MACROH2A1: variants seen among roughly 807,000 people sequenced by gnomAD.
MACROH2A1 encodes the protein macroH2A.1 histone.
A neutral mutation model predicts 31.6 loss-of-function variants in MACROH2A1; 2 were observed. That is an observed-to-expected ratio of 0.06 (90% confidence interval 0.03 to 0.20). MACROH2A1 has a LOEUF of 0.20. Among genes scored for constraint, MACROH2A1 ranks in the 10% least tolerant of loss-of-function variants. The pLI is 1.00. For synonymous variants in MACROH2A1, 169 were observed against 189.6 expected (o/e 0.89, Z 0.89); for missense variants, 230 against 474.0 (o/e 0.49, Z 4.78).
In MACROH2A1 at chr5:135,360,522, G is replaced by A. The variant is rs770568510; in HGVS notation, c.563C>T (p.Thr188Ile). The change falls in exon 5 of 9, where the codon ACC (threonine) becomes ATC (isoleucine). Residue 188 changes from threonine to isoleucine, a missense_variant. Around this residue, in one of 2 missense-constraint regions of MACROH2A1, gnomAD observed 183 missense variants for 319.3 expected, o/e 0.57. Transcript: ENST00000511689. ...CTTCTGGCCAAGGAAGAGGCTCTTG[G>A]TGGAGAGGACTGTGAAGCCGTCGGC... Reference protein sequence around the residue: ...TPADGFTVLSTKSLFLGQKLN... With the variant: ...TPADGFTVLSIKSLFLGQKLN... The A allele has an allele frequency of 6.2e-7, 1 of 1,613,080 alleles. No homozygotes were observed. Among genetic ancestry groups the A allele is most frequent in the East Asian group, 2.2e-5 (1 of 44,878 alleles).
chr5:135,336,426 A>T (rs1758671290), intron 8 of MACROH2A1, among the ~76,000 whole-genome samples: 1 of 152,218 alleles, frequency 6.6e-6, no homozygotes, highest in Non-Finnish European at 1.5e-5. Context: ...TTAGAGGACA[A>T]GAGATGTGCC....
intron 2 of MACROH2A1, among the ~76,000 whole-genome samples, chr5:135,371,053 G>A (rs1764114586): frequency 6.6e-6 from 1 of 152,160 alleles, no homozygotes. Flanking sequence ...TTAAATCTAG[G>A]TATATGATTA....
chr5:135,399,581 G>A (rs1768567474), upstream of MACROH2A1: 1 of 152,148 alleles, frequency 6.6e-6, no homozygotes, highest in Non-Finnish European at 1.5e-5. This position sits in a 1 kb window ranked among gnomAD's most constrained non-coding sequence, Gnocchi z 4.5. Context: ...GGCATCTTTA[G>A]GAACCTTCCC....
chr5:135,397,830 G>A (rs1248896808), intron 1 of MACROH2A1, among the ~76,000 whole-genome samples: 1 of 152,068 alleles, frequency 6.6e-6, no homozygotes, highest in Non-Finnish European at 1.5e-5. Flanking sequence ...TTTACAACTC[G>A]AGTCTCCCAT....
At position 135,347,944 on chromosome 5, in the gene MACROH2A1, C is replaced by A. The variant is rs192819296; in HGVS notation, c.689-1887G>T. ...AGGTAAAATAATGTTTTTACTTTAT[C>A]ATGATTACCAACTCCTTTCTAAAAT... On this transcript the variant is annotated intron_variant, in intron 6 of 8. Transcript: ENST00000511689. Among the ~76,000 whole-genome samples the A allele has an allele frequency of 2.6e-5, 4 of 152,330 alleles. No homozygotes were observed. In the East Asian group the frequency reaches 7.7e-4, roughly 29 times the overall value.
rs544011903 is a variant in MACROH2A1, at chr5:135,391,377, G to A, written c.-33-2251C>T. Among the ~76,000 whole-genome samples, 3 of 152,278 alleles carry A rather than the reference G, an allele frequency of 2.0e-5. No homozygotes were observed. In the South Asian group the frequency reaches 6.2e-4, roughly 32 times the overall value. Reference sequence around the variant, plus strand: ...GCACAGACTTCAGCTTTGTTTCCCAGCTGACCTGCTGGGCATGTCTGGGGC... The same window carrying A: ...GCACAGACTTCAGCTTTGTTTCCCAACTGACCTGCTGGGCATGTCTGGGGC... On this transcript the variant is annotated intron_variant, in intron 1 of 8. Transcript: ENST00000511689.
At chr5:135,383,868 C>T (rs150888855) in intron 2 of MACROH2A1, among the ~76,000 whole-genome samples, 439 of 152,086 alleles carry the variant, frequency 2.9e-3, no homozygotes, top group Middle Eastern at 3.4e-3. Flanking sequence ...TGGGTTCTGG[C>T]CTGAAGCGTC....
At chr5:135,390,371 G>A (rs1378049566) in intron 1 of MACROH2A1, among the ~76,000 whole-genome samples, 5 of 152,188 alleles carry the variant, frequency 3.3e-5, no homozygotes, top group African/African-American at 7.2e-5. Context: ...CCAAGGTCTC[G>A]AATGTTTACT....
At chr5:135,337,616 C>T (rs1221952639) in intron 8 of MACROH2A1, among the ~76,000 whole-genome samples, 1 of 152,268 alleles carries the variant, frequency 6.6e-6, no homozygotes, top group African/African-American at 2.4e-5. Flanking sequence ...CTTGTCAAAA[C>T]ACAACAGTTT....
intron 1 of MACROH2A1, among the ~76,000 whole-genome samples, chr5:135,390,529 G>C (rs544346223): frequency 6.6e-6 from 1 of 152,320 alleles, no homozygotes; most frequent in Admixed American, 6.5e-5. Flanking sequence ...GCCAGTGCAG[G>C]GTGCTGGGAG....
At chr5:135,371,451 T>G (rs1453158507) in intron 2 of MACROH2A1, among the ~76,000 whole-genome samples, 1 of 152,204 alleles carries the variant, frequency 6.6e-6, no homozygotes, top group Admixed American at 6.5e-5. Flanking sequence ...AAATAAAAAC[T>G]AGAAGGGCTA....
intron 8 of MACROH2A1, among the ~76,000 whole-genome samples, chr5:135,335,594 C>G (rs1316530941): frequency 6.6e-6 from 1 of 152,164 alleles, no homozygotes; most frequent in Non-Finnish European, 1.5e-5. Context: ...AGAGTTACCC[C>G]TTCACACCAG....
chr5:135,373,302 TG>T (rs144989086), intron 2 of MACROH2A1, among the ~76,000 whole-genome samples: 3,664 of 152,108 alleles, frequency 0.024, 172 homozygotes, highest in African/African-American at 0.084. Context: ...TAAAAAGACC[TG>T]AAGAGTGTGG....
intron 2 of MACROH2A1, among the ~76,000 whole-genome samples, chr5:135,382,605 A>C (rs531062594): frequency 3.5e-4 from 53 of 152,344 alleles, no homozygotes; most frequent in South Asian, 1.7e-3. Flanking sequence ...CCTGGACACA[A>C]CACCAAGGGT....
intron 8 of MACROH2A1, 30 bp from the exon 9 acceptor site, chr5:135,335,171 C>T (rs764900128): frequency 4.4e-6 from 7 of 1,594,142 alleles, no homozygotes; most frequent in Non-Finnish European, 6.0e-6. Context: ...CACTCAGCAA[C>T]TGGGATGCCA....
chr5:135,396,257 T>C (rs1044856479), intron 1 of MACROH2A1, among the ~76,000 whole-genome samples: 1 of 152,214 alleles, frequency 6.6e-6, no homozygotes, highest in Admixed American at 6.5e-5. Context: ...AAGTGTGGGC[T>C]TCACAGGACA....
intron 7 of MACROH2A1, chr5:135,345,029 C>T (rs867843272): frequency 6.6e-5 from 10 of 152,244 alleles, no homozygotes; most frequent in Admixed American, 1.3e-4. Flanking sequence ...TGTATGCCTT[C>T]CCTTGTACAA....
intron 6 of MACROH2A1, chr5:135,346,321 C>G: frequency 4.3e-6 from 2 of 468,362 alleles, no homozygotes. Context: ...ATGGATGTGC[C>G]AGAGATGTGA....
chr5:135,392,603 C>T (rs543120704), intron 1 of MACROH2A1, among the ~76,000 whole-genome samples: 11 of 152,288 alleles, frequency 7.2e-5, no homozygotes, highest in African/African-American at 2.6e-4. Flanking sequence ...CATAGTTGTG[C>T]AGTCTCCAGA....
Sources: gnomAD v4.1 joint callset for allele counts (sites outside exome capture counted in the v4.1 genomes callset) on GRCh38, gnomAD v4.1.1 for gene constraint, gnomAD v4.1.1 regional missense constraint, Gnocchi (gnomAD v3.1) non-coding constraint, MANE v1.5 for transcripts, NCBI Gene and HGNC (gene_info 2026-07-23, HGNC 2026-07-21) for gene names.